The following MGAT4A variants were observed in gnomAD, a reference collection of about 807,000 sequenced individuals.
MGAT4A encodes alpha-1,3-mannosyl-glycoprotein 4-beta-N-acetylglucosaminyltransferase A, also known as N-acetylglucosaminyltransferase IVa.
A neutral mutation model predicts 74.1 loss-of-function variants in MGAT4A; 33 were observed. The ratio of observed to expected loss-of-function variants is 0.45; its 90% CI spans 0.34 to 0.60. MGAT4A has a LOEUF of 0.60. MGAT4A is among the 20% of genes least tolerant of loss of function. The probability of loss-of-function intolerance (pLI) is 0.02; values close to 1 mark genes in which losing one functional copy is unlikely to be tolerated. For missense variants in MGAT4A, 479 were observed against 628.3 expected (o/e 0.76, Z 2.54); for synonymous variants, 198 against 210.4 (o/e 0.94, Z 0.51).
chr2:98,687,550 C>T (rs1292755121), intron 2 of MGAT4A, among the ~76,000 whole-genome samples: 2 of 151,912 alleles, frequency 1.3e-5, no homozygotes, highest in African/African-American at 4.8e-5. Flanking sequence ...TTTCCACCTT[C>T]CCCCTCCTAA....
At chr2:98,701,095 C>T (rs141081236) in intron 2 of MGAT4A, among the ~76,000 whole-genome samples, 3 of 152,144 alleles carry the variant, frequency 2.0e-5, no homozygotes, top group Non-Finnish European at 4.4e-5. Flanking sequence ...ATGGTCTTCA[C>T]TTCATGAACC....
intron 8 of MGAT4A, among the ~76,000 whole-genome samples, chr2:98,655,011 G>A (rs1007670422): frequency 1.3e-5 from 2 of 152,108 alleles, no homozygotes; most frequent in Non-Finnish European, 2.9e-5. Context: ...AGAATTAAAT[G>A]TCAATTTTAT....
intron 2 of MGAT4A, among the ~76,000 whole-genome samples, chr2:98,693,679 C>T (rs1208090514): frequency 4.9e-5 from 5 of 101,490 alleles, no homozygotes; most frequent in African/African-American, 1.6e-4. Context: ...GAGCTTCTCT[C>T]AAAAAAAAAA....
rs367713656 is a variant in MGAT4A, at chr2:98,628,547, T to G, written c.1469-2712A>C. Among the ~76,000 whole-genome samples, 91 of 152,346 alleles carry G rather than the reference T, an allele frequency of 6.0e-4. 2 individuals carry two copies. The highest frequency in any genetic ancestry group is 2.1e-3 in the African/African-American group (86 of 41,570). On this transcript the variant is annotated intron_variant, in intron 14 of 15. Transcript: ENST00000393487. ...TTTATTTTTAGTGAAGAAATTCTGC[T>G]GTGATGAGATATTCCATTCTAAAGT...
chr2:98,689,083 A>G (rs1702163086), intron 2 of MGAT4A, among the ~76,000 whole-genome samples: 1 of 152,248 alleles, frequency 6.6e-6, no homozygotes. Flanking sequence ...GATGGTACAT[A>G]GTGACATAAA....
chr2:98,630,371 G>A (rs771803885), intron 14 of MGAT4A, among the ~76,000 whole-genome samples: 3 of 152,116 alleles, frequency 2.0e-5, no homozygotes, highest in Non-Finnish European at 4.4e-5. Context: ...GTGAAAACAG[G>A]CAAAATCCCA....
Position 98,715,317 on chromosome 2 carries a change from C to CAA in MGAT4A, c.94+10920_94+10921dup, listed in dbSNP as rs201860893. On this transcript the variant is annotated intron_variant, in intron 2 of 15. Transcript: ENST00000393487. ...TGGGTGACAGAGCTAGACTTCATCT[C>CAA]AAAAAAAAAAAAAAAAAAAAAAGAA... Among the ~76,000 whole-genome samples the CAA allele has an allele frequency of 6.9e-3, 435 of 62,708 alleles. 4 individuals carry two copies. The highest frequency in any genetic ancestry group is 0.016 in the African/African-American group (300 of 18,344). 41.1% of individuals were successfully genotyped at this position (62,708 alleles called of 152,430 possible). A position where few individuals can be genotyped will look rare whatever the true frequency, so the allele number is the denominator to read the frequency against.
At chr2:98,719,373 G>T (rs1702634255) in intron 2 of MGAT4A, among the ~76,000 whole-genome samples, 1 of 152,258 alleles carries the variant, frequency 6.6e-6, no homozygotes, top group Admixed American at 6.5e-5. Context: ...AGAGTAAAGG[G>T]GTATCCCAGG....
intron 1 of MGAT4A, among the ~76,000 whole-genome samples, chr2:98,727,086 G>A (rs1176062189): frequency 6.6e-6 from 1 of 152,182 alleles, no homozygotes; most frequent in Non-Finnish European, 1.5e-5. Flanking sequence ...ACAAAATGAG[G>A]TAACAATCTG....
At chr2:98,709,478 T>A (rs533270145) in intron 2 of MGAT4A, among the ~76,000 whole-genome samples, 3 of 152,080 alleles carry the variant, frequency 2.0e-5, no homozygotes, top group Admixed American at 6.5e-5. Context: ...TAAATGCATA[T>A]TATGAGGCGC....
intron 2 of MGAT4A, among the ~76,000 whole-genome samples, chr2:98,698,042 T>C (rs1702301322): frequency 2.6e-5 from 4 of 152,226 alleles, no homozygotes; most frequent in African/African-American, 9.6e-5. Context: ...CATTCTCTTT[T>C]CAAAATTGTT....
intron 12 of MGAT4A, among the ~76,000 whole-genome samples, chr2:98,639,573 AC>A: frequency 6.6e-6 from 1 of 152,174 alleles, no homozygotes; most frequent in Non-Finnish European, 1.5e-5. Context: ...TACTAGATAT[AC>A]TAAGTCCAGA....
intron 14 of MGAT4A, among the ~76,000 whole-genome samples, chr2:98,629,264 T>C (rs891152646): frequency 6.4e-4 from 97 of 152,182 alleles, no homozygotes; most frequent in Non-Finnish European, 5.0e-4. Flanking sequence ...TACATTCAGA[T>C]TGAAAACCAC....
intron 2 of MGAT4A, among the ~76,000 whole-genome samples, chr2:98,682,709 CAT>C (rs1385428576): frequency 6.6e-6 from 1 of 151,966 alleles, no homozygotes; most frequent in Admixed American, 6.5e-5. Flanking sequence ...GGACACCCCT[CAT>C]GTGGGATTCC....
At chr2:98,688,606 A>C (rs764778336) in intron 2 of MGAT4A, among the ~76,000 whole-genome samples, 2 of 152,248 alleles carry the variant, frequency 1.3e-5, no homozygotes, top group Non-Finnish European at 2.9e-5. Context: ...CCATGTGACA[A>C]AGAGCTTAGA....
chr2:98,723,304 C>G (rs533857971), intron 2 of MGAT4A, among the ~76,000 whole-genome samples: 8 of 152,266 alleles, frequency 5.3e-5, no homozygotes, highest in Non-Finnish European at 1.5e-5. Context: ...CAGCAGCATG[C>G]GCCAGCAAGA....
At chr2:98,639,425 T>C (rs1701371268) in intron 12 of MGAT4A, among the ~76,000 whole-genome samples, 1 of 152,224 alleles carries the variant, frequency 6.6e-6, no homozygotes, top group South Asian at 2.1e-4. Context: ...AGTCATACTC[T>C]GTCAAATTTA....
chr2:98,645,519 T>C lies in MGAT4A; in HGVS notation c.798A>G (p.Lys266=). 6.3e-7 allele frequency: 1 copy of C among 1,582,938 alleles called. No individual in the cohort carries two copies. Among genetic ancestry groups the C allele is most frequent in the Non-Finnish European group, 8.6e-7 (1 of 1,169,462 alleles). The part of the protein sequence containing the change: ...YIQLEDDIIV[K]QNYFNTIKNF... ...TTTTTATGGTATTAAAATAATTTTG[T>C]TTGACAATAATATCATCTTCAAGCT... The change falls in exon 9 of 16, where the codon AAA becomes AAG. Residue 266 remains lysine (K), a synonymous_variant. Transcript: ENST00000393487.
intron 8 of MGAT4A, among the ~76,000 whole-genome samples, chr2:98,651,071 A>AAAAAG (rs140558985): frequency 1.9e-4 from 29 of 150,780 alleles, no homozygotes; most frequent in South Asian, 4.2e-4. Flanking sequence ...TCTCAAAAAA[A>AAAAAG]AAAGAAAGAA....
Sources: gnomAD v4.1 joint callset for allele counts (sites outside exome capture counted in the v4.1 genomes callset) on GRCh38, gnomAD v4.1.1 for gene constraint, MANE v1.5 for transcripts, NCBI Gene and HGNC (gene_info 2026-07-23, HGNC 2026-07-21) for gene names.